The following CCL8 variants were observed in gnomAD, a reference collection of about 807,000 sequenced individuals.
The protein encoded by CCL8 is C-C motif chemokine 8.
CCL8 carries 3 observed loss-of-function variants against 6.6 expected under a neutral mutation model. That is an observed-to-expected ratio of 0.45 (90% CI 0.21 to 1.17). CCL8 has a LOEUF of 1.17. CCL8 is among the 50% of genes most tolerant of loss of function. CCL8 has a pLI of 0.24. For missense variants in CCL8, 127 were observed against 118.1 expected (o/e 1.08, Z -0.35); for synonymous variants, 49 against 41.8 (o/e 1.17, Z -0.67).
rs775968153 is a variant in CCL8 at position 34,319,560 on chromosome 17, A to G, written c.59A>G (p.Gln20Arg). The change falls in exon 1 of 3, where the codon CAG (glutamine) becomes CGG (arginine). Residue 20 changes from glutamine (Q) to arginine (R), a missense_variant. By Grantham distance (43) the Gln-to-Arg change is conservative. Transcript: ENST00000394620. ...LLLMAATFSP[Q>R]GLAQPDSVSI... Reference sequence around the variant, plus strand: ...CTCATGGCAGCCACTTTCAGCCCTCAGGGACTTGCTCAGCCAGGTAAGACC... The same window carrying G: ...CTCATGGCAGCCACTTTCAGCCCTCGGGGACTTGCTCAGCCAGGTAAGACC... The G allele has an allele frequency of 1.2e-6, 2 of 1,613,800 alleles. No homozygotes were observed. Among genetic ancestry groups the G allele is most frequent in the Non-Finnish European group, 1.7e-6 (2 of 1,179,772 alleles).
chr17:34,320,341 G>A lies in CCL8; in HGVS notation c.149G>A (p.Ser50Asn), dbSNP rs745389863. The stretch of plus-strand genomic sequence containing the variant: ...AAAATTCCTATCCAGAGGCTGGAGA[G>A]CTACACAAGAATCACCAACATCCAA... ...NRKIPIQRLE[S>N]YTRITNIQCP... is the part of the protein sequence containing the mutation. The change falls in exon 2 of 3, where the codon AGC (serine) becomes AAC (asparagine). Residue 50 changes from serine to asparagine, a missense_variant. By Grantham distance (46) the Ser-to-Asn change is conservative (BLOSUM62 1). Coordinates refer to ENST00000394620, the MANE Select transcript of CCL8 (RefSeq NM_005623.3). The A allele has an allele frequency of 6.2e-6, 10 of 1,613,472 alleles. No individual in the cohort carries two copies. The East Asian group carries it at 2.2e-4, about 36-fold the overall frequency.
Position 34,320,912 on chromosome 17 carries a change from T to C in CCL8, c.*5T>C, listed in dbSNP as rs1909504518. The C allele has an allele frequency of 6.3e-7, 1 of 1,582,490 alleles. No individual in the cohort carries two copies. Among genetic ancestry groups the C allele is most frequent in the Non-Finnish European group, 8.6e-7 (1 of 1,156,082 alleles). ...TTTCAAAATCTGAAGCCATGAGCCT[T>C]CATACATGGACTGAGAGTCAGAGCT... On this transcript the variant is annotated 3_prime_UTR_variant, in exon 3 of 3. Transcript: ENST00000394620.
chr17:34,321,138 A>T lies in CCL8; in HGVS notation c.*231A>T. ...GAATGTAAAATGCAAAATCCTGGTG[A>T]TGTGTTTTTTGTTTTTGTTTTCCTG... On this transcript the variant is annotated 3_prime_UTR_variant, in exon 3 of 3. Coordinates refer to ENST00000394620, the MANE Select transcript of CCL8 (RefSeq NM_005623.3). 2.4e-6 allele frequency: 1 copy of T among 421,226 alleles called. No individual in the cohort carries two copies. Among genetic ancestry groups the T allele is most frequent in the South Asian group, 3.7e-5 (1 of 27,178 alleles). The allele number at this position is 421,226 out of a possible 1,614,324, so 26.1% of individuals were successfully genotyped here. A position where few individuals can be genotyped will look rare whatever the true frequency, so the allele number is the denominator to read the frequency against.
Position 34,320,824 on chromosome 17 carries a change from G to A in CCL8, c.217G>A (p.Glu73Lys). Reference protein sequence around the residue: ...AVIFKTKRGKEVCADPKERWV... With the variant: ...AVIFKTKRGKKVCADPKERWV... Reference sequence around the variant, plus strand: ...CAGCTTCAAGACCAAACGGGGCAAGGAGGTCTGTGCTGACCCCAAGGAGAG... The same window carrying A: ...CAGCTTCAAGACCAAACGGGGCAAGAAGGTCTGTGCTGACCCCAAGGAGAG... The change falls in exon 3 of 3, where the codon GAG (glutamate) becomes AAG (lysine). Residue 73 changes from glutamate to lysine, a missense_variant. Physicochemically the swap from Glu to Lys is moderately conservative, Grantham distance 56 (BLOSUM62 1). Coordinates refer to ENST00000394620, the MANE Select transcript of CCL8 (RefSeq NM_005623.3). 2 of 1,607,028 alleles carry A rather than the reference G, an allele frequency of 1.2e-6. No individual in the cohort carries two copies. Among genetic ancestry groups the A allele is most frequent in the Non-Finnish European group, 1.7e-6 (2 of 1,177,768 alleles).
In CCL8 at chr17:34,319,532, C is replaced by A; in HGVS notation, c.31C>A (p.Leu11Met). The A allele has an allele frequency of 6.2e-7, 1 of 1,613,916 alleles. No individual in the cohort carries two copies. The highest frequency in any genetic ancestry group is 8.5e-7 in the Non-Finnish European group (1 of 1,179,854). Residue 11 changes from leucine to methionine, a missense_variant, in exon 1 of 3, where the codon CTG (leucine) becomes ATG (methionine). Coordinates refer to ENST00000394620, the MANE Select transcript of CCL8 (RefSeq NM_005623.3). ...GGTTTCTGCAGCGCTTCTGTGCCTG[C>A]TGCTCATGGCAGCCACTTTCAGCCC... MKVSAALLCLLLMAATFSPQG... is the reference protein window; with the variant it reads MKVSAALLCLMLMAATFSPQG...
Position 34,321,070 on chromosome 17 carries a change from T to G in CCL8, c.*163T>G. 1.9e-6 allele frequency: 1 copy of G among 531,612 alleles called. No homozygotes were observed. The highest frequency in any genetic ancestry group is 3.2e-6 in the Non-Finnish European group (1 of 309,700). 32.9% of individuals were successfully genotyped at this position (531,612 alleles called of 1,614,324 possible). A position where few individuals can be genotyped will look rare whatever the true frequency, so the allele number is the denominator to read the frequency against. On this transcript the variant is annotated 3_prime_UTR_variant, in exon 3 of 3. Coordinates refer to ENST00000394620, the MANE Select transcript of CCL8 (RefSeq NM_005623.3). ...TTTCTTAAAAAGTATTTAATTATAT[T>G]TAAGTTGTTGATGTTTTAACTCTAT...
chr17:34,320,957 T>C lies in CCL8; in HGVS notation c.*50T>C. ...AGAGCTTGAAGAAAAGCTTATTTAT[T>C]TTCCCCAACCTCCCCCAGGTGCAGT... On this transcript the variant is annotated 3_prime_UTR_variant, in exon 3 of 3. Coordinates refer to ENST00000394620, the MANE Select transcript of CCL8 (RefSeq NM_005623.3). The C allele has an allele frequency of 6.6e-6, 8 of 1,207,090 alleles. No individual in the cohort carries two copies. Among genetic ancestry groups the C allele is most frequent in the Non-Finnish European group, 9.6e-6 (8 of 834,392 alleles). 74.8% of individuals were successfully genotyped at this position (1,207,090 alleles called of 1,614,324 possible). A position where few individuals can be genotyped will look rare whatever the true frequency, so the allele number is the denominator to read the frequency against.
Position 34,320,976 on chromosome 17 carries a change from G to A in CCL8, c.*69G>A, listed in dbSNP as rs1909506778. On this transcript the variant is annotated 3_prime_UTR_variant, in exon 3 of 3. Coordinates refer to ENST00000394620, the MANE Select transcript of CCL8 (RefSeq NM_005623.3). ...ATTTATTTTCCCCAACCTCCCCCAG[G>A]TGCAGTGTGACATTATTTTATTATA... 2.4e-6 allele frequency: 2 copies of A among 846,162 alleles called. No homozygotes were observed. Among genetic ancestry groups the A allele is most frequent in the Non-Finnish European group, 3.8e-6 (2 of 527,726 alleles). The allele number at this position is 846,162 out of a possible 1,614,324, so 52.4% of individuals were successfully genotyped here. A position where few individuals can be genotyped will look rare whatever the true frequency, so the allele number is the denominator to read the frequency against.
rs1209480293 is a variant in CCL8, at chr17:34,321,348, A to T, written c.*441A>T. 1 of 152,914 alleles carries T rather than the reference A, an allele frequency of 6.5e-6. No homozygotes were observed. The highest frequency in any genetic ancestry group is 2.4e-5 in the African/African-American group (1 of 41,468). The allele number at this position is 152,914 out of a possible 1,614,324, so 9.5% of individuals were successfully genotyped here. A position where few individuals can be genotyped will look rare whatever the true frequency, so the allele number is the denominator to read the frequency against. ...GAAATTGATGTTACTGTATATAACT[A>T]TGGAATTTTGAAAAAAAATTTCAAA... On this transcript the variant is annotated 3_prime_UTR_variant, in exon 3 of 3. Transcript: ENST00000394620.
chr17:34,320,488 C>A, intron 2 of CCL8, 102 bp downstream of exon 2: 1 of 769,772 alleles, frequency 1.3e-6, no homozygotes, highest in Non-Finnish European at 2.3e-6. Context: ...TAACTTCTAT[C>A]CAAAGGGCCC....
At chr17:34,320,677 C>T (rs1473889754) in intron 2 of CCL8, 125 bp from the exon 3 acceptor site, 17 of 634,896 alleles carry the variant, frequency 2.7e-5, no homozygotes, top group Non-Finnish European at 4.2e-5. Context: ...TCCCCTCCCT[C>T]CTCTCCCGGG....
chr17:34,319,693 C>T, intron 1 of CCL8, 116 bp downstream of exon 1: 1 of 760,444 alleles, frequency 1.3e-6, no homozygotes, highest in South Asian at 1.8e-5. Flanking sequence ...AGGCTGGTTC[C>T]CTTGATCTTT....
intron 1 of CCL8, 86 bp downstream of exon 1, chr17:34,319,663 A>G: frequency 1.9e-6 from 2 of 1,043,756 alleles, no homozygotes; most frequent in Non-Finnish European, 2.9e-6. Flanking sequence ...CAAAACCAGA[A>G]CTAAAGGCTC....
rs34918489 is a variant in CCL8 at position 34,319,523 on chromosome 17, C to T, written c.22C>T (p.Leu8=). Residue 8 remains leucine (L), a synonymous_variant, in exon 1 of 3, where the codon CTG becomes TTG. Transcript: ENST00000394620. MKVSAAL[L]CLLLMAATFS... is the part of the protein sequence containing the mutation. ...CAAGATGAAGGTTTCTGCAGCGCTT[C>T]TGTGCCTGCTGCTCATGGCAGCCAC... is the stretch of plus-strand genomic sequence containing the variant. 1.3e-3 allele frequency: 2,036 copies of T among 1,613,890 alleles called. 22 individuals are homozygous for T. The African/African-American group carries it at 0.024, about 19-fold the overall frequency.
In CCL8 at chr17:34,319,683, A is replaced by G. The variant is rs546668019; in HGVS notation, c.76+106A>G. 153 of 845,306 alleles carry G rather than the reference A, an allele frequency of 1.8e-4. No homozygotes were observed. In the African/African-American group the frequency reaches 2.2e-3, roughly 12 times the overall value. 52.4% of individuals were successfully genotyped at this position (845,306 alleles called of 1,614,324 possible). On this transcript the variant is annotated intron_variant, in intron 1 of 2. Transcript: ENST00000394620. ...CCAGAACTAAAGGCTCAGGTCACTGAGGCTGGTTCCCTTGATCTTTCCTGA... is the reference window on the plus strand; with the variant it reads ...CCAGAACTAAAGGCTCAGGTCACTGGGGCTGGTTCCCTTGATCTTTCCTGA...
chr17:34,321,102 T>C lies in CCL8; in HGVS notation c.*195T>C. ...GTTGATGTTTTAACTCTATCTGTCA[T>C]ACATCCTAGTGAATGTAAAATGCAA... On this transcript the variant is annotated 3_prime_UTR_variant, in exon 3 of 3. Transcript: ENST00000394620. 1 of 490,270 alleles carries C rather than the reference T, an allele frequency of 2.0e-6. No individual in the cohort carries two copies. The highest frequency in any genetic ancestry group is 3.2e-5 in the South Asian group (1 of 31,712). The allele number at this position is 490,270 out of a possible 1,614,324, so 30.4% of individuals were successfully genotyped here.
chr17:34,319,512 C>T lies in CCL8; in HGVS notation c.11C>T (p.Ser4Phe). The stretch of plus-strand genomic sequence containing the variant: ...CCCTTGCCCTCCAAGATGAAGGTTT[C>T]TGCAGCGCTTCTGTGCCTGCTGCTC... MKVSAALLCLLLMA... is the reference protein window; with the variant it reads MKVFAALLCLLLMA... The change falls in exon 1 of 3, where the codon TCT becomes TTT. Residue 4 changes from serine to phenylalanine, a missense_variant. Coordinates refer to ENST00000394620, the MANE Select transcript of CCL8 (RefSeq NM_005623.3). 6.2e-7 allele frequency: 1 copy of T among 1,613,888 alleles called. No homozygotes were observed. Among genetic ancestry groups the T allele is most frequent in the African/African-American group, 1.3e-5 (1 of 75,052 alleles).
At position 34,320,819 on chromosome 17, in the gene CCL8, G is replaced by A. The variant is rs778657847; in HGVS notation, c.212G>A (p.Gly71Asp). ...KEAVIFKTKR[G>D]KEVCADPKER... is the part of the protein sequence containing the mutation. ...CCCCACAGCTTCAAGACCAAACGGG[G>A]CAAGGAGGTCTGTGCTGACCCCAAG... is the stretch of plus-strand genomic sequence containing the variant. The change falls in exon 3 of 3, where the codon GGC (glycine) becomes GAC (aspartate). Residue 71 changes from glycine to aspartate, a missense_variant. Physicochemically the swap from Gly to Asp is moderately conservative, Grantham distance 94 (BLOSUM62 -1). Transcript: ENST00000394620. 9.3e-6 allele frequency: 15 copies of A among 1,606,624 alleles called. No homozygotes were observed. The highest frequency in any genetic ancestry group is 1.2e-5 in the Non-Finnish European group (14 of 1,177,450).
At position 34,319,435 on chromosome 17, in the gene CCL8, A is replaced by G. The variant is rs766806815; in HGVS notation, c.-67A>G. 7.3e-7 allele frequency: 1 copy of G among 1,379,246 alleles called. No homozygotes were observed. Among genetic ancestry groups the G allele is most frequent in the Non-Finnish European group, 1.0e-6 (1 of 969,500 alleles). 85.4% of individuals were successfully genotyped at this position (1,379,246 alleles called of 1,614,324 possible). A position where few individuals can be genotyped will look rare whatever the true frequency, so the allele number is the denominator to read the frequency against. On this transcript the variant is annotated 5_prime_UTR_variant, in exon 1 of 3. Transcript: ENST00000394620. ...AAGGCAGGCAGAGCCACCGAGGAGC[A>G]GAGAGGTTGAGAACAACCCAGAAAC... is the stretch of plus-strand genomic sequence containing the variant.
Sources: gnomAD v4.1 joint callset for allele counts on GRCh38, gnomAD v4.1.1 for gene constraint, MANE v1.5 for transcripts, NCBI Gene and HGNC (gene_info 2026-07-23, HGNC 2026-07-21) for gene names.